ERP29: variants seen among roughly 807,000 people sequenced by gnomAD.
ERP29 encodes the protein endoplasmic reticulum protein 29.
In ERP29, 14 loss-of-function variants were observed where a neutral mutation model predicts 21.7. That is an observed-to-expected ratio of 0.64 (90% CI 0.43 to 1.01). The LOEUF (loss-of-function observed/expected upper bound fraction) is 1.01, where lower values mean the gene tolerates loss of function less well. ERP29 is among the 50% of genes least tolerant of loss of function. The pLI is 0.00. For synonymous variants in ERP29, 129 were observed against 139.1 expected (o/e 0.93, Z 0.51); for missense variants, 286 against 327.3 (o/e 0.87, Z 0.97).
In ERP29 at chr12:112,013,446, C is replaced by A. The variant is rs1031904328; in HGVS notation, c.-20C>A. On this transcript the variant is annotated 5_prime_UTR_variant, in exon 1 of 3. Transcript: ENST00000261735. ...TCTCCACTATCGCTTACCTACCTCCCTCTGCAGGAACCCGGCGATATGGCT... is the reference window on the plus strand; with the variant it reads ...TCTCCACTATCGCTTACCTACCTCCATCTGCAGGAACCCGGCGATATGGCT... 2.5e-6 allele frequency: 4 copies of A among 1,603,416 alleles called. No individual in the cohort carries two copies. Among genetic ancestry groups the A allele is most frequent in the Middle Eastern group, 1.7e-4 (1 of 6,024 alleles).
intron 1 of ERP29, among the ~76,000 whole-genome samples, chr12:112,016,214 G>A (rs144726949): frequency 3.3e-5 from 5 of 152,318 alleles, no homozygotes; most frequent in East Asian, 3.9e-4. Flanking sequence ...ATTTTGTTGC[G>A]TGAATGAACA....
At chr12:112,017,305 G>A (rs902603465) in intron 1 of ERP29, among the ~76,000 whole-genome samples, 1 of 152,136 alleles carries the variant, frequency 6.6e-6, no homozygotes, top group Non-Finnish European at 1.5e-5. Flanking sequence ...TGGAAAACAA[G>A]CAAATAAGGA....
chr12:112,021,762 G>A (rs901145499), intron 2 of ERP29, among the ~76,000 whole-genome samples: 9 of 151,780 alleles, frequency 5.9e-5, no homozygotes, highest in Non-Finnish European at 1.3e-4. Context: ...TCCTGACCTC[G>A]TGATCTGTCC....
At chr12:112,015,566 T>C (rs934143130) in intron 1 of ERP29, among the ~76,000 whole-genome samples, 6 of 152,056 alleles carry the variant, frequency 3.9e-5, no homozygotes, top group Non-Finnish European at 8.8e-5. Flanking sequence ...ACCCTATGCT[T>C]TGGGGGCCTT....
intron 1 of ERP29, among the ~76,000 whole-genome samples, chr12:112,018,323 T>C (rs1023389861): frequency 3.3e-5 from 5 of 151,748 alleles, no homozygotes; most frequent in Non-Finnish European, 1.5e-5. Flanking sequence ...CTAATTTTTT[T>C]TTTTTAAGCC....
intron 2 of ERP29, among the ~76,000 whole-genome samples, 165 bp from the exon 3 acceptor site, chr12:112,021,985 T>C (rs1240748260): frequency 2.6e-5 from 4 of 152,180 alleles, no homozygotes. Flanking sequence ...GGCTAGGAAG[T>C]GGCAGAGGAG....
rs545877717 is a variant in ERP29, at chr12:112,017,533, A to G, written c.145-2223A>G. ...CAAATGAAAAAGCTCTTGAGTGGGA[A>G]TAAGTTTCATGTGCTGAAGTGAAAT... On this transcript the variant is annotated intron_variant, in intron 1 of 2. Coordinates refer to ENST00000261735, the MANE Select transcript of ERP29 (RefSeq NM_006817.4). Among the ~76,000 whole-genome samples the G allele has an allele frequency of 2.2e-3, 338 of 152,290 alleles. 2 individuals are homozygous for G. In the Middle Eastern group the frequency reaches 0.037, roughly 17 times the overall value.
chr12:112,022,393 C>T lies in ERP29; in HGVS notation c.527C>T (p.Ala176Val). ...TTCATCAGGGCCTCTGGTGTGGAGG[C>T]CCGCCAGGCCCTCTTGAAGCAGGGG... ...GEFIRASGVE[A>V]RQALLKQGQD... The change falls in exon 3 of 3, where the codon GCC becomes GTC. Residue 176 changes from alanine to valine, a missense_variant. Physicochemically the swap from Ala to Val is moderately conservative, Grantham distance 64 (BLOSUM62 0). Transcript: ENST00000261735. 1 of 1,614,134 alleles carries T rather than the reference C, an allele frequency of 6.2e-7. No individual in the cohort carries two copies. The highest frequency in any genetic ancestry group is 8.5e-7 in the Non-Finnish European group (1 of 1,180,016).
rs778187023 is a variant in ERP29, at chr12:112,019,791, C to A, written c.180C>A (p.Phe60Leu). 6.2e-7 allele frequency: 1 copy of A among 1,613,866 alleles called. No homozygotes were observed. The highest frequency in any genetic ancestry group is 1.3e-5 in the African/African-American group (1 of 74,840). Residue 60 changes from phenylalanine to leucine, a missense_variant, in exon 2 of 3, where the codon TTC becomes TTA. Phe to Leu is a conservative substitution (Grantham distance 22). Transcript: ENST00000261735. ...AAAGCAAGTTCGTCTTGGTGAAGTT[C>A]GACACCCAGTACCCCTACGGTGAGA... ...IPKSKFVLVK[F>L]DTQYPYGEKQ... is the part of the protein sequence containing the mutation.
intron 1 of ERP29, among the ~76,000 whole-genome samples, chr12:112,017,940 A>T (rs1396550970): frequency 6.6e-6 from 1 of 151,156 alleles, no homozygotes; most frequent in Non-Finnish European, 1.5e-5. Flanking sequence ...GCCCACCACA[A>T]CGCCCAGCTA....
chr12:112,022,672 C>T lies in ERP29; in HGVS notation c.*20C>T. 2 of 1,586,226 alleles carry T rather than the reference C, an allele frequency of 1.3e-6. No homozygotes were observed. The highest frequency in any genetic ancestry group is 1.2e-5 in the South Asian group (1 of 86,428). ...CTGTAAAAAGGCTGTCTGTGATTTT[C>T]CAGGGTTTGGTGGGGGTAGGGAGGG... On this transcript the variant is annotated 3_prime_UTR_variant, in exon 3 of 3. Coordinates refer to ENST00000261735, the MANE Select transcript of ERP29 (RefSeq NM_006817.4).
At chr12:112,019,680 C>A (rs774765508) in intron 1 of ERP29, 76 bp from the exon 2 acceptor site, 1 of 1,564,002 alleles carries the variant, frequency 6.4e-7, no homozygotes, top group Non-Finnish European at 8.8e-7. Context: ...ATTTCTTAAA[C>A]AGGGGCCCCT....
chr12:112,021,513 G>GTTTTTT (rs1565989409), intron 2 of ERP29, among the ~76,000 whole-genome samples: 3 of 100,640 alleles, frequency 3.0e-5, no homozygotes, highest in African/African-American at 1.7e-4. Context: ...GAGCTTAATA[G>GTTTTTT]TCTTTTTTTT....
chr12:112,019,078 G>T (rs1313547771), intron 1 of ERP29: 1 of 154,870 alleles, frequency 6.5e-6, no homozygotes, highest in Non-Finnish European at 1.4e-5. Context: ...TAACCTCTAT[G>T]GTTGCACATT....
At chr12:112,019,915 G>GC in intron 2 of ERP29, 21 bp downstream of exon 2, 1 of 1,613,378 alleles carries the variant, frequency 6.2e-7, no homozygotes, top group Non-Finnish European at 8.5e-7. Context: ...GTCCAGGACG[G>GC]CTGGGGGGGC....
intron 2 of ERP29, among the ~76,000 whole-genome samples, chr12:112,021,246 C>G (rs1370726112): frequency 7.7e-6 from 1 of 130,410 alleles, no homozygotes; most frequent in Non-Finnish European, 1.5e-5. Context: ...CTGAAATTTC[C>G]TGAGCTTAGC....
Position 112,022,818 on chromosome 12 carries a change from C to G in ERP29, c.*166C>G, listed in dbSNP as rs2078059153. The G allele has an allele frequency of 2.9e-6, 2 of 681,668 alleles. No individual in the cohort carries two copies. Among genetic ancestry groups the G allele is most frequent in the Non-Finnish European group, 4.8e-6 (2 of 412,594 alleles). 42.2% of individuals were successfully genotyped at this position (681,668 alleles called of 1,614,324 possible). On this transcript the variant is annotated 3_prime_UTR_variant, in exon 3 of 3. Coordinates refer to ENST00000261735, the MANE Select transcript of ERP29 (RefSeq NM_006817.4). The stretch of plus-strand genomic sequence containing the variant: ...GGACATTGATGCTAACATGACCATG[C>G]TTGGGATGTCTCTAGCTGGTCTGGG...
chr12:112,013,514 C>A lies in ERP29; in HGVS notation c.49C>A (p.Leu17Ile). Residue 17 changes from leucine to isoleucine, a missense_variant, in exon 1 of 3, where the codon CTT (leucine) becomes ATT (isoleucine). Transcript: ENST00000261735. The part of the protein sequence containing the change: ...RAAFLSPLLP[L>I]LLGFLLLSAP... The stretch of plus-strand genomic sequence containing the variant: ...CGCATTTCTCTCCCCGCTGCTTCCC[C>A]TTCTCCTGGGCTTCCTGCTCCTCTC... 4 of 1,612,674 alleles carry A rather than the reference C, an allele frequency of 2.5e-6. No homozygotes were observed. Among genetic ancestry groups the A allele is most frequent in the Non-Finnish European group, 3.4e-6 (4 of 1,179,456 alleles).
Position 112,022,881 on chromosome 12 carries a change from A to G in ERP29, c.*229A>G. The G allele has an allele frequency of 1.8e-6, 1 of 560,672 alleles. No individual in the cohort carries two copies. The highest frequency in any genetic ancestry group is 3.2e-6 in the Non-Finnish European group (1 of 315,446). The allele number at this position is 560,672 out of a possible 1,614,324, so 34.7% of individuals were successfully genotyped here. A position where few individuals can be genotyped will look rare whatever the true frequency, so the allele number is the denominator to read the frequency against. On this transcript the variant is annotated 3_prime_UTR_variant, in exon 3 of 3. Transcript: ENST00000261735. ...ACTTACTCAGGTGGCTGGTGAAATG[A>G]CACCTCAGAAGGAATGAGTGCTATA... is the stretch of plus-strand genomic sequence containing the variant.
Sources: gnomAD v4.1 joint callset for allele counts (sites outside exome capture counted in the v4.1 genomes callset) on GRCh38, gnomAD v4.1.1 for gene constraint, MANE v1.5 for transcripts, NCBI Gene and HGNC (gene_info 2026-07-23, HGNC 2026-07-21) for gene names.